Variants in GALNT16 observed in about 807,000 individuals in gnomAD.
GALNT16 encodes polypeptide N-acetylgalactosaminyltransferase 16.
A neutral mutation model predicts 76.1 loss-of-function variants in GALNT16; 40 were observed. The ratio of observed to expected loss-of-function variants is 0.53; its 90% confidence interval spans 0.41 to 0.68. The LOEUF is 0.68. Ranked by LOEUF, GALNT16 falls within the 30% of genes least tolerant of loss-of-function variation. The pLI, the probability that GALNT16 is intolerant of heterozygous loss-of-function variation, is 0.00. For synonymous variants in GALNT16, 276 were observed against 285.2 expected, an observed-to-expected ratio of 0.97 and a Z score of 0.32; for missense variants, 621 against 731.9, an observed-to-expected ratio of 0.85 and a Z score of 1.75.
chr14:69,335,973 A>G (rs1399750150), intron 9 of GALNT16, among the ~76,000 whole-genome samples: 2 of 152,144 alleles, frequency 1.3e-5, no homozygotes, highest in Admixed American at 6.5e-5. Flanking sequence ...AAAACCTTGC[A>G]AGAGTTCTCA....
At chr14:69,381,953 A>G in the GALNT16 span, among the ~76,000 whole-genome samples, 1 of 152,242 alleles carries the variant, frequency 6.6e-6, no homozygotes, top group African/African-American at 2.4e-5. Flanking sequence ...GGCCGCCCAA[A>G]GTGCTGGGAT....
At chr14:69,370,931 CT>C in the GALNT16 span, among the ~76,000 whole-genome samples, 1 of 152,246 alleles carries the variant, frequency 6.6e-6, no homozygotes, top group Non-Finnish European at 1.5e-5. Context: ...GTCATTACTG[CT>C]TTGTGAGCAG....
intron 1 of GALNT16, among the ~76,000 whole-genome samples, chr14:69,291,743 C>T (rs1039339781): frequency 5.3e-5 from 8 of 152,214 alleles, no homozygotes; most frequent in East Asian, 1.9e-4. Context: ...TCACTAGCTG[C>T]GTTGCCTCCC....
chr14:69,334,269 G>T (rs909301554), intron 9 of GALNT16, among the ~76,000 whole-genome samples: 29 of 152,314 alleles, frequency 1.9e-4, no homozygotes, highest in Admixed American at 2.6e-4. Context: ...GCTGGAGGGG[G>T]CTGGACCCTC....
At chr14:69,300,090 C>T (rs1797928298) in intron 1 of GALNT16, among the ~76,000 whole-genome samples, 1 of 152,194 alleles carries the variant, frequency 6.6e-6, no homozygotes, top group African/African-American at 2.4e-5. Context: ...GGTGCTGCCT[C>T]CTTTCCCCAC....
chr14:69,292,745 A>T (rs1036422542), intron 1 of GALNT16, among the ~76,000 whole-genome samples: 1 of 152,222 alleles, frequency 6.6e-6, no homozygotes, highest in African/African-American at 2.4e-5. Flanking sequence ...TAGTCTAGTG[A>T]TGGTGGCTTC....
chr14:69,373,636 C>CA, the GALNT16 span, among the ~76,000 whole-genome samples: 1 of 152,202 alleles, frequency 6.6e-6, no homozygotes, highest in Non-Finnish European at 1.5e-5. Flanking sequence ...GCTTACAAGA[C>CA]AAACTATGTA....
At chr14:69,331,627 T>G (rs772174634) in intron 7 of GALNT16, 76 bp downstream of exon 7, 1 of 823,076 alleles carries the variant, frequency 1.2e-6, no homozygotes, top group Non-Finnish European at 2.1e-6. Context: ...AAACCCTTGC[T>G]TGCTGCTCTT....
chr14:69,334,957 CCTT>C (rs2045398572), intron 9 of GALNT16, among the ~76,000 whole-genome samples: 1 of 152,130 alleles, frequency 6.6e-6, no homozygotes, highest in Non-Finnish European at 1.5e-5. Context: ...CCCACTGCTT[CCTT>C]CTTCTTCCTG....
intron 12 of GALNT16, 65 bp from the exon 13 acceptor site, chr14:69,346,975 T>C: frequency 6.2e-7 from 1 of 1,600,286 alleles, no homozygotes; most frequent in Admixed American, 1.7e-5. Context: ...TGCTGACGTC[T>C]GGCAGAGGGT....
chr14:69,311,328 A>T (rs1271634109), intron 1 of GALNT16, among the ~76,000 whole-genome samples: 1 of 152,230 alleles, frequency 6.6e-6, no homozygotes, highest in African/African-American at 2.4e-5. Context: ...TCTTTTATAA[A>T]GGCATTAATC....
intron 1 of GALNT16, among the ~76,000 whole-genome samples, chr14:69,274,221 G>A (rs1481083020): frequency 2.0e-5 from 3 of 152,142 alleles, no homozygotes; most frequent in South Asian, 2.1e-4. Flanking sequence ...TGCCTAACTC[G>A]TAGTAAATGC....
intron 1 of GALNT16, among the ~76,000 whole-genome samples, chr14:69,282,043 G>A (rs1019843681): frequency 6.6e-6 from 1 of 152,218 alleles, no homozygotes; most frequent in Non-Finnish European, 1.5e-5. Flanking sequence ...GAGAAACTAT[G>A]AGAAACGTCA....
chr14:69,342,354 G>C (rs1392060750), intron 12 of GALNT16, among the ~76,000 whole-genome samples: 1 of 151,166 alleles, frequency 6.6e-6, no homozygotes, highest in Non-Finnish European at 1.5e-5. Context: ...GAGCCCAAAA[G>C]GTAGGGGCTG....
At chr14:69,268,123 G>C (rs927332663) in intron 1 of GALNT16, among the ~76,000 whole-genome samples, 3 of 152,162 alleles carry the variant, frequency 2.0e-5, no homozygotes, top group Non-Finnish European at 4.4e-5. Context: ...AGATATTTGT[G>C]AGTGTGTCTG....
the GALNT16 span, among the ~76,000 whole-genome samples, chr14:69,377,435 T>C: frequency 6.6e-6 from 1 of 152,178 alleles, no homozygotes; most frequent in Non-Finnish European, 1.5e-5. Context: ...GTAGAAATAT[T>C]TCCTAGGCAG....
intron 11 of GALNT16, 66 bp downstream of exon 11, chr14:69,339,685 G>A (rs575159337): frequency 4.3e-5 from 43 of 1,008,484 alleles, no homozygotes; most frequent in Non-Finnish European, 5.7e-5. Context: ...AGCAAAATAC[G>A]AAGTGGTATG....
chr14:69,331,416 T>A, intron 6 of GALNT16, 48 bp from the exon 7 acceptor site: 1 of 1,072,196 alleles, frequency 9.3e-7, no homozygotes, highest in African/African-American at 1.5e-5. Flanking sequence ...TAGGCCTTTT[T>A]CTGCAGAGAA....
chr14:69,309,499 A>G (rs1389529367), intron 1 of GALNT16, among the ~76,000 whole-genome samples: 1 of 152,020 alleles, frequency 6.6e-6, no homozygotes, highest in South Asian at 2.1e-4. Flanking sequence ...GTTTGTAGAG[A>G]TGAGGTCTTG....
Sources: gnomAD v4.1 joint callset for allele counts (sites outside exome capture counted in the v4.1 genomes callset) on GRCh38, gnomAD v4.1.1 for gene constraint, MANE v1.5 for transcripts, NCBI Gene and HGNC (gene_info 2026-07-23, HGNC 2026-07-21) for gene names.